JARID2: variants seen among roughly 807,000 people sequenced by gnomAD.
The protein encoded by JARID2 is protein Jumonji.
Under a neutral mutation model 125.6 loss-of-function variants are expected in JARID2, and 21 were observed. The ratio of observed to expected loss-of-function variants is 0.17; its 90% CI spans 0.12 to 0.24. JARID2 has a LOEUF of 0.24. JARID2 is among the 10% of genes least tolerant of loss of function. The probability of loss-of-function intolerance (pLI) is 1.00; values close to 1 mark genes in which losing one functional copy is unlikely to be tolerated. For missense variants in JARID2, 1,303 were observed against 1,639.6 expected, an observed-to-expected ratio of 0.79 and a Z score of 3.55; for synonymous variants, 736 against 661.6, an observed-to-expected ratio of 1.11 and a Z score of -1.73.
chr6:15,270,631 T>A (rs1760260201), intron 1 of JARID2, among the ~76,000 whole-genome samples: 1 of 152,110 alleles, frequency 6.6e-6, no homozygotes, highest in African/African-American at 2.4e-5. Context: ...GGCATTTCCT[T>A]TAGGTTCTTG....
chr6:15,279,144 A>G (rs979349125), intron 1 of JARID2, among the ~76,000 whole-genome samples: 2 of 134,314 alleles, frequency 1.5e-5, no homozygotes, highest in Non-Finnish European at 2.9e-5. Context: ...ATTCATATAT[A>G]CATATATTCA....
At chr6:15,513,783 T>C (rs986431642) in intron 16 of JARID2, among the ~76,000 whole-genome samples, 23 of 152,360 alleles carry the variant, frequency 1.5e-4, no homozygotes, top group African/African-American at 4.1e-4. Context: ...GGGGCGGGTT[T>C]CCAGTACTGG....
chr6:15,330,710 C>T (rs1186484954), intron 1 of JARID2, among the ~76,000 whole-genome samples: 1 of 152,188 alleles, frequency 6.6e-6, no homozygotes, highest in Non-Finnish European at 1.5e-5. Context: ...TAGCCAGAAA[C>T]TTCTCTGCGT....
chr6:15,260,502 C>CT (rs1357503588), intron 1 of JARID2, among the ~76,000 whole-genome samples: 3 of 152,176 alleles, frequency 2.0e-5, no homozygotes, highest in African/African-American at 4.8e-5. Flanking sequence ...CTGGGCATAT[C>CT]TAAGCCATGG....
chr6:15,357,691 C>CT (rs1254164989), intron 1 of JARID2, among the ~76,000 whole-genome samples: 1 of 152,030 alleles, frequency 6.6e-6, no homozygotes, highest in African/African-American at 2.4e-5. Context: ...AATAAGAAAT[C>CT]TTTTCTCAAA....
intron 9 of JARID2, among the ~76,000 whole-genome samples, chr6:15,505,882 G>A (rs980528793): frequency 6.6e-6 from 1 of 152,252 alleles, no homozygotes; most frequent in Non-Finnish European, 1.5e-5. Flanking sequence ...GATGTCAGGC[G>A]GAGGACACTT....
In JARID2 at chr6:15,496,658, G is replaced by A. The variant is rs1770449885; in HGVS notation, c.1433G>A (p.Arg478Lys). Residue 478 changes from arginine to lysine, a missense_variant, in exon 7 of 18, where the codon AGA becomes AAA. Physicochemically the swap from Arg to Lys is conservative, Grantham distance 26. Transcript: ENST00000341776. Reference sequence around the variant, plus strand: ...CCTGGCAAGAAGGCCCCGGCCGAGAGAGGTCTGCTGAACGGACACGTGAAG... The same window carrying A: ...CCTGGCAAGAAGGCCCCGGCCGAGAAAGGTCTGCTGAACGGACACGTGAAG... ...EGPGKKAPAE[R>K]GLLNGHVKKE... is the part of the protein sequence containing the mutation. The A allele has an allele frequency of 1.2e-6, 2 of 1,612,634 alleles. No homozygotes were observed. Among genetic ancestry groups the A allele is most frequent in the East Asian group, 4.5e-5 (2 of 44,868 alleles).
chr6:15,490,880 A>G (rs771440233), intron 6 of JARID2, among the ~76,000 whole-genome samples: 1 of 152,236 alleles, frequency 6.6e-6, no homozygotes, highest in Admixed American at 6.5e-5. Context: ...AAGCCAGGAT[A>G]TTGAACCAGA....
intron 1 of JARID2, among the ~76,000 whole-genome samples, chr6:15,279,326 T>C (rs1455059480): frequency 6.6e-6 from 1 of 152,220 alleles, no homozygotes; most frequent in Non-Finnish European, 1.5e-5. Flanking sequence ...ACGTCACTCC[T>C]ATCTGCAATG....
At chr6:15,298,552 T>C (rs1388144969) in intron 1 of JARID2, among the ~76,000 whole-genome samples, 1 of 151,822 alleles carries the variant, frequency 6.6e-6, no homozygotes, top group Admixed American at 6.6e-5. Flanking sequence ...TGGTGGTGCA[T>C]GCCTCTAGTC....
chr6:15,378,927 G>A (rs1469419482), intron 2 of JARID2, among the ~76,000 whole-genome samples: 5 of 152,204 alleles, frequency 3.3e-5, no homozygotes, highest in Admixed American at 3.3e-4. Context: ...CTGGTGTGAT[G>A]AACAAGCAGC....
chr6:15,340,076 C>T (rs186102289), intron 1 of JARID2, among the ~76,000 whole-genome samples: 1 of 152,222 alleles, frequency 6.6e-6, no homozygotes, highest in African/African-American at 2.4e-5. Flanking sequence ...TCTCCCACCT[C>T]AGCCTCCTCA....
intron 3 of JARID2, among the ~76,000 whole-genome samples, chr6:15,436,690 C>G (rs1000972103): frequency 1.3e-5 from 2 of 152,142 alleles, no homozygotes; most frequent in African/African-American, 4.8e-5. Flanking sequence ...ATTCCCAGCA[C>G]TCCTGTATCA....
At chr6:15,415,451 C>A (rs1454823544) in intron 3 of JARID2, among the ~76,000 whole-genome samples, 4 of 147,178 alleles carry the variant, frequency 2.7e-5, no homozygotes, top group South Asian at 2.2e-4. Flanking sequence ...GGGCTGACAC[C>A]CCCACCTCCC....
chr6:15,432,427 C>A (rs933843680), intron 3 of JARID2, among the ~76,000 whole-genome samples: 1 of 148,042 alleles, frequency 6.8e-6, no homozygotes, highest in Non-Finnish European at 1.5e-5. Flanking sequence ...CTCTGTCATC[C>A]TCCAGCTACT....
Position 15,291,077 on chromosome 6 carries a change from T to C in JARID2, c.45+44493T>C, listed in dbSNP as rs562254716. Among the ~76,000 whole-genome samples, 3 of 152,186 alleles carry C rather than the reference T, an allele frequency of 2.0e-5. No homozygotes were observed. In the East Asian group the frequency reaches 5.8e-4, roughly 29 times the overall value. On this transcript the variant is annotated intron_variant, in intron 1 of 17. Transcript: ENST00000341776. ...AGCAAAACTGTGTCTCCACCAAAAA[T>C]TAAAAAAAATTAATCAGCCGTGGCG...
chr6:15,403,022 C>G (rs1757775169), intron 2 of JARID2, among the ~76,000 whole-genome samples: 1 of 152,116 alleles, frequency 6.6e-6, no homozygotes, highest in Non-Finnish European at 1.5e-5. Flanking sequence ...ATTCTAGGTA[C>G]TGTACTTGTT....
intron 3 of JARID2, among the ~76,000 whole-genome samples, chr6:15,416,172 C>T (rs944489090): frequency 4.0e-5 from 6 of 151,132 alleles, no homozygotes; most frequent in Non-Finnish European, 7.4e-5. Flanking sequence ...GATGGGATGG[C>T]GGCCGGGCAG....
At chr6:15,407,152 T>C (rs79991339) in intron 2 of JARID2, among the ~76,000 whole-genome samples, 4,800 of 151,862 alleles carry the variant, frequency 0.032, 124 homozygotes, top group Admixed American at 0.068. Context: ...GTCCCAGCCA[T>C]TCGGGAGGCT....
Sources: gnomAD v4.1 joint callset for allele counts (sites outside exome capture counted in the v4.1 genomes callset) on GRCh38, gnomAD v4.1.1 for gene constraint, MANE v1.5 for transcripts, NCBI Gene and HGNC (gene_info 2026-07-23, HGNC 2026-07-21) for gene names.